The following CDH12 variants were observed in gnomAD, a reference collection of about 807,000 sequenced individuals.
The protein encoded by CDH12 is cadherin-12.
CDH12 carries 41 observed loss-of-function variants against 74.1 expected under a neutral mutation model. The ratio of observed to expected loss-of-function variants is 0.55; its 90% CI spans 0.43 to 0.72. The LOEUF (loss-of-function observed/expected upper bound fraction) is 0.72, where lower values mean the gene tolerates loss of function less well. CDH12 is among the 30% of genes least tolerant of loss of function. CDH12 has a pLI of 0.00. For synonymous variants in CDH12, 399 were observed against 355.0 expected, an observed-to-expected ratio of 1.12 and a Z score of -1.39; for missense variants, 945 against 977.2, an observed-to-expected ratio of 0.97 and a Z score of 0.44.
chr5:22,625,512 T>C (rs902258256), intron 1 of CDH12, among the ~76,000 whole-genome samples: 4 of 152,008 alleles, frequency 2.6e-5, no homozygotes, highest in Admixed American at 2.6e-4. Context: ...GCCCAAAGAA[T>C]TTGGTTCAGG....
chr5:22,077,641 AT>A (rs1044146405), intron 5 of CDH12, among the ~76,000 whole-genome samples: 6 of 151,550 alleles, frequency 4.0e-5, no homozygotes, highest in Admixed American at 2.0e-4. Context: ...TTTTGGGGAA[AT>A]TTTTTTTTGG....
At chr5:22,178,981 C>G (rs1451815255) in intron 4 of CDH12, among the ~76,000 whole-genome samples, 68 of 152,222 alleles carry the variant, frequency 4.5e-4, no homozygotes, top group Non-Finnish European at 2.9e-4. Flanking sequence ...TCAAGTGGGT[C>G]TGAGTTCAAA....
intron 1 of CDH12, among the ~76,000 whole-genome samples, chr5:22,632,196 C>T (rs1263685284): frequency 1.3e-5 from 2 of 152,198 alleles, no homozygotes; most frequent in Admixed American, 6.5e-5. Context: ...CCTACACATA[C>T]ACCTCTGATA....
At chr5:22,070,774 T>G (rs1232764838) in intron 5 of CDH12, among the ~76,000 whole-genome samples, 1 of 152,176 alleles carries the variant, frequency 6.6e-6, no homozygotes. Context: ...TAGAATTGAA[T>G]TTTTAAATTA....
At chr5:22,278,848 A>T (rs1222114759) in intron 3 of CDH12, among the ~76,000 whole-genome samples, 1 of 152,166 alleles carries the variant, frequency 6.6e-6, no homozygotes, top group Non-Finnish European at 1.5e-5. Flanking sequence ...AGAGACCAAA[A>T]TAAATGAAAA....
intron 13 of CDH12, among the ~76,000 whole-genome samples, chr5:21,759,158 G>C (rs17839330): frequency 6.6e-6 from 1 of 151,654 alleles, no homozygotes; most frequent in African/African-American, 2.4e-5. Context: ...AAAAAAAGTT[G>C]TATTCCATAT....
chr5:22,752,545 CTTT>C (rs1159388186), intron 1 of CDH12, among the ~76,000 whole-genome samples: 2 of 65,752 alleles, frequency 3.0e-5, no homozygotes, highest in South Asian at 4.5e-4. Flanking sequence ...TAGGATACTT[CTTT>C]TTTTTTTTTT....
At chr5:21,948,557 T>C (rs1287500110) in intron 6 of CDH12, among the ~76,000 whole-genome samples, 1 of 152,092 alleles carries the variant, frequency 6.6e-6, no homozygotes, top group African/African-American at 2.4e-5. Context: ...TTTACAGGCT[T>C]ATAGGCCAAA....
At chr5:22,413,207 C>T (rs1261390) in intron 2 of CDH12, among the ~76,000 whole-genome samples, 142,886 of 152,028 alleles carry the variant, frequency 0.94, 67,251 homozygotes, top group African/African-American at 0.98. Context: ...AAAATTTAAA[C>T]GATTTTTGCA....
At chr5:22,145,731 T>C (rs1034969406) in intron 4 of CDH12, among the ~76,000 whole-genome samples, 1 of 152,110 alleles carries the variant, frequency 6.6e-6, no homozygotes, top group Admixed American at 6.6e-5. Context: ...GAAAGTTCTT[T>C]GTTGAATCAA....
At chr5:22,260,798 T>C (rs1163582932) in intron 3 of CDH12, among the ~76,000 whole-genome samples, 1 of 152,022 alleles carries the variant, frequency 6.6e-6, no homozygotes, top group Non-Finnish European at 1.5e-5. Context: ...GACGTTGACA[T>C]ATTTTACAAC....
At chr5:22,397,713 C>T (rs969884606) in intron 3 of CDH12, among the ~76,000 whole-genome samples, 5 of 152,056 alleles carry the variant, frequency 3.3e-5, no homozygotes, top group African/African-American at 1.2e-4. Context: ...CTCCAAAAAT[C>T]GTAAGTTGAA....
chr5:22,020,280 G>A (rs533777744), intron 5 of CDH12, among the ~76,000 whole-genome samples: 4 of 152,144 alleles, frequency 2.6e-5, no homozygotes, highest in African/African-American at 4.8e-5. Flanking sequence ...ATGGCTGGGC[G>A]TGGTGGCTCA....
intron 3 of CDH12, among the ~76,000 whole-genome samples, chr5:22,312,388 A>C (rs1158932820): frequency 6.6e-6 from 1 of 152,194 alleles, no homozygotes; most frequent in African/African-American, 2.4e-5. Context: ...CTCTCGAAAA[A>C]TGATAATTAA....
At chr5:22,523,031 C>A (rs966737) in intron 1 of CDH12, among the ~76,000 whole-genome samples, 22,284 of 152,180 alleles carry the variant, frequency 0.15, 1,733 homozygotes, top group South Asian at 0.21. Flanking sequence ...AAATTGACTT[C>A]TTAAGGGTTT....
At position 21,794,336 on chromosome 5, in the gene CDH12, GAGTTAATACA is replaced by G. The variant is rs977733594; in HGVS notation, c.1256+7821_1256+7830del. Among the ~76,000 whole-genome samples the G allele has an allele frequency of 2.0e-5, 3 of 151,390 alleles. No homozygotes were observed. The Admixed American group carries it at 2.0e-4, about 10-fold the overall frequency. ...TTCAGTTTCTTTGCTTCTATAAATG[GAGTTAATACA>G]AGCTAAATACCATCAGCACATTTGC... On this transcript the variant is annotated intron_variant, in intron 10 of 14. Transcript: ENST00000382254.
intron 1 of CDH12, among the ~76,000 whole-genome samples, chr5:22,545,349 A>T (rs1448736102): frequency 1.3e-5 from 2 of 152,222 alleles, no homozygotes; most frequent in Admixed American, 6.5e-5. Context: ...CTTTAGCTCC[A>T]GCAATGGCAA....
intron 3 of CDH12, among the ~76,000 whole-genome samples, chr5:22,320,799 T>C (rs1035915103): frequency 1.3e-5 from 2 of 152,244 alleles, no homozygotes; most frequent in Admixed American, 6.5e-5. Flanking sequence ...TTTTTACTTA[T>C]AGTACTTATT....
chr5:22,508,481 A>G (rs941779094), intron 1 of CDH12, among the ~76,000 whole-genome samples: 3 of 152,258 alleles, frequency 2.0e-5, no homozygotes, highest in East Asian at 1.9e-4. Flanking sequence ...AAGAATTTCT[A>G]TTAACATAGG....
Sources: gnomAD v4.1 joint callset for allele counts (sites outside exome capture counted in the v4.1 genomes callset) on GRCh38, gnomAD v4.1.1 for gene constraint, MANE v1.5 for transcripts, NCBI Gene and HGNC (gene_info 2026-07-23, HGNC 2026-07-21) for gene names.